Variants in CLYBL observed in about 807,000 individuals in gnomAD.
CLYBL encodes the protein citramalyl-CoA lyase.
In CLYBL, 31 loss-of-function variants were observed where a neutral mutation model predicts 38.9. The ratio of observed to expected loss-of-function variants is 0.80; its 90% CI spans 0.60 to 1.08. The LOEUF (loss-of-function observed/expected upper bound fraction) is 1.08, where lower values mean the gene tolerates loss of function less well. CLYBL is among the 50% of genes least tolerant of loss of function. The probability of loss-of-function intolerance (pLI) is 0.00; values close to 1 mark genes in which losing one functional copy is unlikely to be tolerated. For missense variants in CLYBL, 434 were observed against 411.6 expected (o/e 1.05, Z -0.47); for synonymous variants, 171 against 158.6 (o/e 1.08, Z -0.59).
intron 2 of CLYBL, among the ~76,000 whole-genome samples, chr13:99,820,294 G>A (rs1356719361): frequency 6.6e-6 from 1 of 152,166 alleles, no homozygotes; most frequent in African/African-American, 2.4e-5. Context: ...CAGTGAGGGG[G>A]TCCTGCACTC....
At chr13:99,722,630 A>G (rs2048411721) in intron 1 of CLYBL, among the ~76,000 whole-genome samples, 1 of 152,228 alleles carries the variant, frequency 6.6e-6, no homozygotes, top group Admixed American at 6.5e-5. Context: ...GCAGTATTCC[A>G]GTGAGCCATG....
chr13:99,759,647 C>G (rs1285828545), intron 1 of CLYBL, among the ~76,000 whole-genome samples: 1 of 152,050 alleles, frequency 6.6e-6, no homozygotes, highest in East Asian at 1.9e-4. Flanking sequence ...TGGGCTGTGT[C>G]AACCAGCAGC....
intron 7 of CLYBL, among the ~76,000 whole-genome samples, chr13:99,873,288 G>C (rs1036053951): frequency 9.2e-5 from 14 of 152,250 alleles, no homozygotes; most frequent in African/African-American, 3.1e-4. Context: ...GGGGATCTTG[G>C]GGTTTAAATA....
intron 3 of CLYBL, among the ~76,000 whole-genome samples, chr13:99,860,796 A>G (rs1182077663): frequency 6.6e-6 from 1 of 152,278 alleles, no homozygotes; most frequent in Non-Finnish European, 1.5e-5. Context: ...CATAAAACCC[A>G]GAGCCTGATG....
chr13:99,635,182 C>T (rs1361935522), intron 1 of CLYBL, among the ~76,000 whole-genome samples: 1 of 152,058 alleles, frequency 6.6e-6, no homozygotes, highest in Non-Finnish European at 1.5e-5. Flanking sequence ...TTAATGACCC[C>T]AGGTACGTTT....
At chr13:99,811,994 T>C (rs1404838104) in intron 2 of CLYBL, among the ~76,000 whole-genome samples, 1 of 152,210 alleles carries the variant, frequency 6.6e-6, no homozygotes, top group South Asian at 2.1e-4. Context: ...CAATCCTGTA[T>C]CCACTATTCC....
chr13:99,829,382 C>T (rs2139066845), intron 2 of CLYBL, among the ~76,000 whole-genome samples: 1 of 152,310 alleles, frequency 6.6e-6, no homozygotes, highest in South Asian at 2.1e-4. Flanking sequence ...CAGGGAAGTC[C>T]ATGCCAAAAA....
chr13:99,736,560 T>C (rs1594149325), intron 1 of CLYBL, among the ~76,000 whole-genome samples: 1 of 152,108 alleles, frequency 6.6e-6, no homozygotes, highest in East Asian at 1.9e-4. Context: ...AATCGGCAGG[T>C]AAGAGTTAGA....
chr13:99,827,809 C>T (rs1163174574), intron 2 of CLYBL, among the ~76,000 whole-genome samples: 1 of 152,224 alleles, frequency 6.6e-6, no homozygotes, highest in African/African-American at 2.4e-5. Flanking sequence ...GGGTATGGTT[C>T]GGGAGGGTTC....
chr13:99,764,794 C>G (rs1206225561), intron 1 of CLYBL, among the ~76,000 whole-genome samples: 3 of 151,992 alleles, frequency 2.0e-5, no homozygotes, highest in Admixed American at 2.0e-4. Context: ...CTCCTCCTGC[C>G]TCAGCCTCCC....
intron 1 of CLYBL, among the ~76,000 whole-genome samples, chr13:99,671,125 C>T (rs1036113935): frequency 3.3e-5 from 5 of 152,132 alleles, no homozygotes; most frequent in African/African-American, 1.2e-4. Context: ...GGTTCTGCTG[C>T]CAGATTCTTT....
At chr13:99,717,189 G>A (rs1316573130) in intron 1 of CLYBL, among the ~76,000 whole-genome samples, 1 of 151,742 alleles carries the variant, frequency 6.6e-6, no homozygotes, top group East Asian at 2.0e-4. Flanking sequence ...ACTTTGGGAG[G>A]CTGAAGCAGG....
intron 2 of CLYBL, among the ~76,000 whole-genome samples, chr13:99,831,973 A>G (rs2050813351): frequency 6.6e-6 from 1 of 152,228 alleles, no homozygotes; most frequent in Non-Finnish European, 1.5e-5. Flanking sequence ...GCCTCTTCTC[A>G]GAGCTCTGTC....
intron 1 of CLYBL, among the ~76,000 whole-genome samples, chr13:99,670,232 C>G (rs1384160816): frequency 6.6e-6 from 1 of 152,010 alleles, no homozygotes; most frequent in African/African-American, 2.4e-5. Flanking sequence ...TGGTGCATGC[C>G]TATAGTCCCA....
Position 99,869,647 on chromosome 13 carries a change from C to T in CLYBL, c.803-1291C>T, listed in dbSNP as rs2051834492. The stretch of plus-strand genomic sequence containing the variant: ...ATATTATTATATTTATCCACTTAAA[C>T]TCTTTTACATGAAACACTAAAAATA... On this transcript the variant is annotated intron_variant, in intron 6 of 8. Coordinates refer to ENST00000339105, the MANE Select transcript of CLYBL (RefSeq NM_206808.5). The surrounding 1 kb of genome is among the most constrained non-coding windows in gnomAD (Gnocchi z 4.3). Among the ~76,000 whole-genome samples, 1 of 152,210 alleles carries T rather than the reference C, an allele frequency of 6.6e-6. No homozygotes were observed. Among genetic ancestry groups the T allele is most frequent in the African/African-American group, 2.4e-5 (1 of 41,556 alleles).
chr13:99,817,128 A>G (rs1018449201), intron 2 of CLYBL, among the ~76,000 whole-genome samples: 2 of 152,208 alleles, frequency 1.3e-5, no homozygotes. Context: ...TTCTTTCCCC[A>G]GGAATGATTT....
intron 1 of CLYBL, among the ~76,000 whole-genome samples, chr13:99,647,984 T>A (rs1301199438): frequency 6.6e-6 from 1 of 152,222 alleles, no homozygotes; most frequent in Non-Finnish European, 1.5e-5. Context: ...TGGAATTGTC[T>A]TGGTGGCTTG....
At chr13:99,895,048 T>G (rs2052557400), downstream of CLYBL, 1 of 152,152 alleles carries the variant, frequency 6.6e-6, no homozygotes, top group South Asian at 2.1e-4. Context: ...CGATTTGAAT[T>G]TGAAAGTAAC....
chr13:99,654,793 C>T (rs1376157900), intron 1 of CLYBL, among the ~76,000 whole-genome samples: 1 of 152,154 alleles, frequency 6.6e-6, no homozygotes, highest in East Asian at 1.9e-4. Context: ...ATCACGAGGT[C>T]AGGAGATCTA....
Sources: allele counts gnomAD v4.1 joint callset (sites outside exome capture counted in the v4.1 genomes callset), GRCh38; gene constraint gnomAD v4.1.1; non-coding constraint Gnocchi (gnomAD v3.1); transcripts MANE v1.5; gene names NCBI Gene and HGNC (gene_info 2026-07-23, HGNC 2026-07-21).